Variants in STPG4 observed in about 807,000 individuals in gnomAD.
STPG4 encodes the protein sperm-tail PG-rich repeat containing 4.
Under a neutral mutation model 31.5 loss-of-function variants are expected in STPG4, and 41 were observed. That is an observed-to-expected ratio of 1.30 (90% CI 1.01 to 1.69). STPG4 has a LOEUF of 1.69. STPG4 is among the 40% of genes most tolerant of loss of function. The pLI, the probability that STPG4 is intolerant of heterozygous loss-of-function variation, is 0.00. For synonymous variants in STPG4, 141 were observed against 103.0 expected (o/e 1.37, Z -2.24); for missense variants, 375 against 293.4 (o/e 1.28, Z -2.03).
chr2:47,109,715 C>A (rs931773103), intron 5 of STPG4, among the ~76,000 whole-genome samples: 3 of 152,140 alleles, frequency 2.0e-5, no homozygotes, highest in Non-Finnish European at 4.4e-5. Context: ...AAGCAGAAAT[C>A]AATTTTCTGG....
At chr2:47,119,210 A>C (rs1686212699) in intron 5 of STPG4, among the ~76,000 whole-genome samples, 1 of 152,228 alleles carries the variant, frequency 6.6e-6, no homozygotes. Context: ...ATGCATGTTT[A>C]AGACAGACAT....
chr2:47,149,269 T>C (rs940266001), intron 3 of STPG4, among the ~76,000 whole-genome samples: 2 of 152,252 alleles, frequency 1.3e-5, no homozygotes, highest in Non-Finnish European at 2.9e-5. Context: ...TTTTGGTCTT[T>C]AAAAACTTTA....
intron 3 of STPG4, among the ~76,000 whole-genome samples, chr2:47,133,533 A>G (rs1686530893): frequency 7.4e-6 from 1 of 134,804 alleles, no homozygotes; most frequent in Admixed American, 7.9e-5. Flanking sequence ...ATTCTCACTA[A>G]TTAATGTTTC....
At chr2:47,107,112 G>A (rs557340975) in intron 5 of STPG4, among the ~76,000 whole-genome samples, 25 of 152,086 alleles carry the variant, frequency 1.6e-4, no homozygotes, top group Non-Finnish European at 2.6e-4. Context: ...AGGTGACAGC[G>A]TGCTGGCAGT....
intron 5 of STPG4, among the ~76,000 whole-genome samples, chr2:47,103,800 T>C (rs910676738): frequency 3.3e-5 from 5 of 151,910 alleles, no homozygotes; most frequent in African/African-American, 9.7e-5. Flanking sequence ...TGCCAGCTCA[T>C]GTCATCACCC....
At chr2:47,134,811 C>T (rs940916820) in intron 3 of STPG4, among the ~76,000 whole-genome samples, 5 of 152,190 alleles carry the variant, frequency 3.3e-5, no homozygotes, top group Non-Finnish European at 5.9e-5. Context: ...TACCATTTTG[C>T]ATTCTCACTA....
chr2:47,133,307 T>C (rs151047089), intron 3 of STPG4, among the ~76,000 whole-genome samples: 269 of 151,844 alleles, frequency 1.8e-3, no homozygotes, highest in Middle Eastern at 3.5e-3. Flanking sequence ...CCTGGGACTA[T>C]AGGCATGTGC....
chr2:47,146,089 G>A (rs1686813772), intron 3 of STPG4, among the ~76,000 whole-genome samples: 1 of 152,162 alleles, frequency 6.6e-6, no homozygotes, highest in Non-Finnish European at 1.5e-5. Context: ...AAAAGGACAA[G>A]TGGGTCAGGA....
chr2:47,133,464 G>A (rs1455589808), intron 3 of STPG4, among the ~76,000 whole-genome samples: 2 of 151,004 alleles, frequency 1.3e-5, no homozygotes, highest in Non-Finnish European at 2.9e-5. Context: ...AACATGCCTG[G>A]CCAGTTCTTC....
rs150323269 is a variant in STPG4, at chr2:47,151,323, C to T, written c.334G>A (p.Val112Met). The T allele has an allele frequency of 6.2e-7, 1 of 1,614,078 alleles. No individual in the cohort carries two copies. Among genetic ancestry groups the T allele is most frequent in the African/African-American group, 1.3e-5 (1 of 74,922 alleles). ...PDFLDLLKKQ[V>M]ATYSFKDKPR... ...TTGTCTTTGAATGAGTAAGTAGCCA[C>T]TTGCTTCTTTAACAGGTCCAGGAAG... The change falls in exon 3 of 7, where the codon GTG becomes ATG. Residue 112 changes from valine to methionine, a missense_variant. By Grantham distance (21) the Val-to-Met change is conservative. Transcript: ENST00000445927.
At chr2:47,098,133 G>C (rs35733445) in intron 5 of STPG4, among the ~76,000 whole-genome samples, 28,631 of 151,964 alleles carry the variant, frequency 0.19, 2,793 homozygotes, top group Middle Eastern at 0.24. Flanking sequence ...CTGAATTCTC[G>C]TTTACAGACA....
intron 5 of STPG4, among the ~76,000 whole-genome samples, chr2:47,117,703 G>C (rs752736601): frequency 6.6e-6 from 1 of 152,210 alleles, no homozygotes; most frequent in Non-Finnish European, 1.5e-5. Context: ...AGCACAAAGA[G>C]AGCATTGATA....
At chr2:47,117,164 TAA>T (rs1168457653) in intron 5 of STPG4, among the ~76,000 whole-genome samples, 1 of 152,186 alleles carries the variant, frequency 6.6e-6, no homozygotes, top group Non-Finnish European at 1.5e-5. Flanking sequence ...AATGTATTGC[TAA>T]GTTTTGGAGG....
chr2:47,093,282 C>T (rs1685607453), intron 5 of STPG4, among the ~76,000 whole-genome samples: 1 of 152,166 alleles, frequency 6.6e-6, no homozygotes, highest in Non-Finnish European at 1.5e-5. Context: ...TGAAAACAGT[C>T]ATGTTTTCAA....
chr2:47,117,385 T>C (rs1043814088), intron 5 of STPG4, among the ~76,000 whole-genome samples: 1 of 152,154 alleles, frequency 6.6e-6, no homozygotes, highest in Non-Finnish European at 1.5e-5. Flanking sequence ...AATTTTGTAA[T>C]TTTAGTAGAG....
At chr2:47,090,517 G>C in intron 5 of STPG4, 143 bp from the exon 6 acceptor site, 1 of 615,904 alleles carries the variant, frequency 1.6e-6, no homozygotes, top group Non-Finnish European at 2.8e-6. Flanking sequence ...ATCTCTTTAA[G>C]GTGTGAGCTG....
intron 3 of STPG4, among the ~76,000 whole-genome samples, chr2:47,143,642 C>T (rs530949593): frequency 2.3e-4 from 35 of 152,202 alleles, no homozygotes; most frequent in South Asian, 4.1e-4. Flanking sequence ...TGCGCCACCA[C>T]GCCCGGCTAA....
At chr2:47,111,239 TAGAAAA>T (rs1014106402) in intron 5 of STPG4, among the ~76,000 whole-genome samples, 4 of 152,154 alleles carry the variant, frequency 2.6e-5, no homozygotes, top group African/African-American at 7.2e-5. Flanking sequence ...GGGTGGTCTT[TAGAAAA>T]AGAAAATCTT....
At chr2:47,117,505 G>A (rs1686176565) in intron 5 of STPG4, among the ~76,000 whole-genome samples, 2 of 152,258 alleles carry the variant, frequency 1.3e-5, no homozygotes, top group South Asian at 2.1e-4. Context: ...CACCATGCCC[G>A]GCCCAACAGA....
Sources: allele counts gnomAD v4.1 joint callset (sites outside exome capture counted in the v4.1 genomes callset), GRCh38; gene constraint gnomAD v4.1.1; transcripts MANE v1.5; gene names NCBI Gene and HGNC (gene_info 2026-07-23, HGNC 2026-07-21).